Variants in CCSER1 observed in about 807,000 individuals in gnomAD.
CCSER1 encodes the protein serine-rich coiled-coil domain-containing protein 1.
CCSER1 carries 41 observed loss-of-function variants against 82.0 expected under a neutral mutation model. That is an observed-to-expected ratio of 0.50 (90% CI 0.39 to 0.65). The LOEUF is 0.65. CCSER1 is among the 30% of genes least tolerant of loss of function. The pLI is 0.00. For synonymous variants in CCSER1, 414 were observed against 383.9 expected (o/e 1.08, Z -0.92); for missense variants, 1,119 against 1,064.2 (o/e 1.05, Z -0.72).
At chr4:90,351,606 T>TA (rs1315343232) in intron 3 of CCSER1, among the ~76,000 whole-genome samples, 8 of 151,874 alleles carry the variant, frequency 5.3e-5, no homozygotes, top group East Asian at 1.9e-4. Context: ...AACAATAGTG[T>TA]AAAAAAAAGT....
At chr4:91,513,792 T>G (rs1463847320) in intron 10 of CCSER1, among the ~76,000 whole-genome samples, 1 of 152,102 alleles carries the variant, frequency 6.6e-6, no homozygotes. Flanking sequence ...TGTATTTCTG[T>G]GGGATTGTTT....
chr4:91,458,993 A>G (rs1756352418), intron 10 of CCSER1, among the ~76,000 whole-genome samples: 1 of 152,132 alleles, frequency 6.6e-6, no homozygotes, highest in South Asian at 2.1e-4. Flanking sequence ...ACAAAATATT[A>G]TGATAATGGA....
chr4:90,959,703 G>GAT (rs2150372456), intron 9 of CCSER1, among the ~76,000 whole-genome samples: 1 of 97,214 alleles, frequency 1.0e-5, no homozygotes, highest in South Asian at 3.2e-4. Flanking sequence ...CAGATAAAGA[G>GAT]ACTTCTGCAT....
chr4:90,955,985 A>ATT (rs1235088487), intron 9 of CCSER1, among the ~76,000 whole-genome samples: 6 of 152,238 alleles, frequency 3.9e-5, no homozygotes, highest in Non-Finnish European at 8.8e-5. Context: ...TTTCTTGTGT[A>ATT]TTATATATAT....
intron 9 of CCSER1, among the ~76,000 whole-genome samples, chr4:91,033,497 C>A (rs1741164076): frequency 6.6e-6 from 1 of 152,270 alleles, no homozygotes; most frequent in African/African-American, 2.4e-5. Flanking sequence ...AGACAGCCAG[C>A]AGTGTGGTCA....
At chr4:91,128,976 T>A (rs1373513060) in intron 10 of CCSER1, among the ~76,000 whole-genome samples, 1 of 152,036 alleles carries the variant, frequency 6.6e-6, no homozygotes, top group Non-Finnish European at 1.5e-5. Flanking sequence ...AACAAGAAGG[T>A]ATAGCGATAT....
intron 5 of CCSER1, among the ~76,000 whole-genome samples, chr4:90,528,141 C>T (rs561038100): frequency 6.6e-6 from 1 of 152,166 alleles, no homozygotes; most frequent in South Asian, 2.1e-4. Context: ...AAGGAGTGAC[C>T]TTTAAAGGTG....
At chr4:90,546,128 T>G (rs1776721221) in intron 5 of CCSER1, among the ~76,000 whole-genome samples, 1 of 152,030 alleles carries the variant, frequency 6.6e-6, no homozygotes, top group African/African-American at 2.4e-5. Context: ...GTTTGACAGC[T>G]TAAGGTCTAG....
chr4:90,296,158 T>A (rs942735710), intron 1 of CCSER1, among the ~76,000 whole-genome samples: 1 of 152,232 alleles, frequency 6.6e-6, no homozygotes. Flanking sequence ...TGAGACAGTC[T>A]TTGAATGTTC....
intron 3 of CCSER1, among the ~76,000 whole-genome samples, chr4:90,390,436 T>C (rs1750807926): frequency 6.6e-6 from 1 of 152,184 alleles, no homozygotes; most frequent in Non-Finnish European, 1.5e-5. Context: ...CTTCTGACCC[T>C]TTATCTCCCA....
At chr4:91,037,951 T>C (rs1741597100) in intron 9 of CCSER1, among the ~76,000 whole-genome samples, 1 of 152,172 alleles carries the variant, frequency 6.6e-6, no homozygotes, top group Admixed American at 6.6e-5. Flanking sequence ...TCTTAAACTA[T>C]TCTGTATACA....
At chr4:90,341,245 A>C (rs78583106) in intron 3 of CCSER1, among the ~76,000 whole-genome samples, 2,212 of 152,174 alleles carry the variant, frequency 0.015, 70 homozygotes, top group African/African-American at 0.05. Context: ...GAAATCAGTG[A>C]AAGTGTTATT....
At chr4:90,974,453 G>GA (rs35065580) in intron 9 of CCSER1, among the ~76,000 whole-genome samples, 2,411 of 148,842 alleles carry the variant, frequency 0.016, 39 homozygotes, top group Non-Finnish European at 0.029. Flanking sequence ...AATTGTGCTT[G>GA]AAAAAAAAGA....
intron 10 of CCSER1, among the ~76,000 whole-genome samples, chr4:91,091,933 G>A (rs190314083): frequency 4.2e-4 from 64 of 152,298 alleles, no homozygotes; most frequent in African/African-American, 1.5e-3. Flanking sequence ...CCCAAGGCCT[G>A]TAACTGTCTC....
intron 10 of CCSER1, among the ~76,000 whole-genome samples, chr4:91,453,155 G>T (rs896905324): frequency 6.6e-6 from 1 of 151,818 alleles, no homozygotes; most frequent in Non-Finnish European, 1.5e-5. Flanking sequence ...AGTTTTGTTT[G>T]GTAGTAGTTC....
At chr4:90,746,253 T>A (rs890466483) in intron 7 of CCSER1, among the ~76,000 whole-genome samples, 2 of 152,206 alleles carry the variant, frequency 1.3e-5, no homozygotes, top group Non-Finnish European at 2.9e-5. Flanking sequence ...CAGTTCCTAG[T>A]ATAGAACCAG....
chr4:90,717,779 A>G (rs561413485), intron 6 of CCSER1, among the ~76,000 whole-genome samples: 9 of 148,892 alleles, frequency 6.0e-5, no homozygotes, highest in East Asian at 2.0e-4. Context: ...GTGTATATAT[A>G]TGTGTGTATA....
chr4:90,194,308 A>C (rs531309389), intron 1 of CCSER1, among the ~76,000 whole-genome samples: 42 of 152,176 alleles, frequency 2.8e-4, no homozygotes, highest in Non-Finnish European at 5.2e-4. Context: ...GATTAAATGA[A>C]ATTATGATTG....
chr4:90,598,250 T>A (rs1783586820), intron 5 of CCSER1, among the ~76,000 whole-genome samples: 1 of 152,014 alleles, frequency 6.6e-6, no homozygotes. Context: ...AATTTATTTT[T>A]TTATTATTAT....
Sources: allele counts gnomAD v4.1 joint callset (sites outside exome capture counted in the v4.1 genomes callset), GRCh38; gene constraint gnomAD v4.1.1; transcripts MANE v1.5; gene names NCBI Gene and HGNC (gene_info 2026-07-23, HGNC 2026-07-21).